The following KIAA0319 variants were observed in gnomAD, a reference collection of about 807,000 sequenced individuals.
KIAA0319 encodes the protein dyslexia-associated protein KIAA0319.
Under a neutral mutation model 108.4 loss-of-function variants are expected in KIAA0319, and 83 were observed. The ratio of observed to expected loss-of-function variants is 0.77; its 90% CI spans 0.64 to 0.92. KIAA0319 has a LOEUF of 0.92. Among genes scored for constraint, KIAA0319 ranks in the 40% least tolerant of loss-of-function variants. The pLI is 0.00. For synonymous variants in KIAA0319, 484 were observed against 510.4 expected, an observed-to-expected ratio of 0.95 and a Z score of 0.70; for missense variants, 1,195 against 1,322.4, an observed-to-expected ratio of 0.90 and a Z score of 1.49.
chr6:24,580,768 CA>C (rs1441087367), intron 7 of KIAA0319, among the ~76,000 whole-genome samples, 157 bp downstream of exon 7: 2 of 151,996 alleles, frequency 1.3e-5, no homozygotes, highest in African/African-American at 4.8e-5. Flanking sequence ...AAAAAAAAAC[CA>C]AAAATATAAT....
intron 4 of KIAA0319, among the ~76,000 whole-genome samples, chr6:24,585,325 C>G (rs1327574059): frequency 6.6e-6 from 1 of 151,168 alleles, no homozygotes; most frequent in African/African-American, 2.4e-5. Flanking sequence ...AAACGAGATA[C>G]CTACAAAGAT....
chr6:24,565,480 C>T lies in KIAA0319; in HGVS notation c.2292+1117G>A, dbSNP rs144420029. ...TAAAAATGGATTAGTTAAGGCTGGG[C>T]GCGGTGGCTCACGCCTGTAATCCCA... On this transcript the variant is annotated intron_variant, in intron 14 of 20. Coordinates refer to ENST00000378214, the MANE Select transcript of KIAA0319 (RefSeq NM_014809.4). 9.9e-3 allele frequency among the ~76,000 whole-genome samples: 1,501 copies of T among 152,012 alleles called. 8 individuals carry two copies. Among genetic ancestry groups the T allele is most frequent in the African/African-American group, 0.017 (707 of 41,390 alleles).
At chr6:24,629,414 C>A (rs9393569) in intron 1 of KIAA0319, among the ~76,000 whole-genome samples, 105,360 of 149,018 alleles carry the variant, frequency 0.71, 37,961 homozygotes, top group East Asian at 0.87. Context: ...ACTTGGGAGG[C>A]TGAGGCAGGA....
Position 24,547,224 on chromosome 6 carries a change from A to G in KIAA0319, c.3160T>C (p.Ser1054Pro). 6.2e-7 allele frequency: 1 copy of G among 1,614,200 alleles called. No homozygotes were observed. Among genetic ancestry groups the G allele is most frequent in the Middle Eastern group, 1.6e-4 (1 of 6,062 alleles). Residue 1054 changes from serine (S) to proline (P), a missense_variant, in exon 21 of 21, where the codon TCC becomes CCC. Coordinates refer to ENST00000378214, the MANE Select transcript of KIAA0319 (RefSeq NM_014809.4). ...CCATTTCTGATGGAACCATTCATGG[A>G]AACCTTTGGATTCCCTCTCTCCATC... ...EKMERGNPKV[S>P]MNGSIRNGAS...
At position 24,564,241 on chromosome 6, in the gene KIAA0319, C is replaced by T. The variant is rs1763541327; in HGVS notation, c.2392G>A (p.Ala798Thr). 1 of 1,614,042 alleles carries T rather than the reference C, an allele frequency of 6.2e-7. No individual in the cohort carries two copies. Among genetic ancestry groups the T allele is most frequent in the East Asian group, 2.2e-5 (1 of 44,880 alleles). Residue 798 changes from alanine to threonine, a missense_variant, in exon 15 of 21, where the codon GCC becomes ACC. By Grantham distance (58) the Ala-to-Thr change is moderately conservative. Coordinates refer to ENST00000378214, the MANE Select transcript of KIAA0319 (RefSeq NM_014809.4). The stretch of plus-strand genomic sequence containing the variant: ...ACAGTGGCAGTGTCTGTGTCCGAGG[C>T]CCCCTGACTGTCGGTGACTCGCAAG... ...FHLRVTDSQG[A>T]SDTDTATVEV...
At chr6:24,558,387 A>AGATAGATG (rs1199265764) in intron 17 of KIAA0319, among the ~76,000 whole-genome samples, 1 of 152,138 alleles carries the variant, frequency 6.6e-6, no homozygotes. Context: ...ATAGATAGAT[A>AGATAGATG]GATAGATAGA....
chr6:24,614,928 G>A (rs537470248), intron 1 of KIAA0319, among the ~76,000 whole-genome samples: 16 of 152,200 alleles, frequency 1.1e-4, no homozygotes, highest in Admixed American at 2.0e-4. Flanking sequence ...GTAAGCCACA[G>A]GGCAGGGGCT....
rs541185717 is a variant in KIAA0319, at chr6:24,546,819, CT to C, written c.*345del. 3.4e-3 allele frequency: 673 copies of C among 199,074 alleles called. 5 individuals carry two copies. Among genetic ancestry groups the C allele is most frequent in the Non-Finnish European group, 4.5e-3 (435 of 96,000 alleles). The allele number at this position is 199,074 out of a possible 1,614,324, so 12.3% of individuals were successfully genotyped here. On this transcript the variant is annotated 3_prime_UTR_variant, in exon 21 of 21. Transcript: ENST00000378214. ...ACAGCAGCTAAGACAGAAATCATCC[CT>C]TTTTAAAACCTTGTTTCATTCACCT...
chr6:24,554,482 G>A (rs1762012449), intron 19 of KIAA0319, 59 bp downstream of exon 19: 1 of 1,197,266 alleles, frequency 8.4e-7, no homozygotes, highest in Admixed American at 1.8e-5. Flanking sequence ...CAATTCCTAA[G>A]CTGTCAAAAC....
chr6:24,568,690 C>G (rs1764239514), intron 13 of KIAA0319, 91 bp downstream of exon 13: 1 of 1,324,548 alleles, frequency 7.5e-7, no homozygotes, highest in Non-Finnish European at 1.0e-6. Context: ...TAAGCAAACA[C>G]CAACATCTCT....
At chr6:24,642,656 G>A (rs1318111277) in intron 1 of KIAA0319, among the ~76,000 whole-genome samples, 4 of 151,902 alleles carry the variant, frequency 2.6e-5, no homozygotes, top group African/African-American at 9.7e-5. Context: ...TTTTAGGCCT[G>A]AATTATCCTC....
In KIAA0319 at chr6:24,583,622, C is replaced by T. The variant is rs541625855; in HGVS notation, c.1075G>A (p.Ala359Thr). Residue 359 changes from alanine (A) to threonine (T), a missense_variant, in exon 5 of 21, where the codon GCG becomes ACG. Physicochemically the swap from Ala to Thr is moderately conservative, Grantham distance 58. Coordinates refer to ENST00000378214, the MANE Select transcript of KIAA0319 (RefSeq NM_014809.4). ...DNEVELKAFV[A>T]PAPPVETTYN... ...CTCTCACCTACAGGTGGCGCTGGCGCAACAAAGGCCTTCAGTTCAACTTCA... is the reference window on the plus strand; with the variant it reads ...CTCTCACCTACAGGTGGCGCTGGCGTAACAAAGGCCTTCAGTTCAACTTCA... The T allele has an allele frequency of 2.0e-5, 32 of 1,613,204 alleles. No homozygotes were observed. Among genetic ancestry groups the T allele is most frequent in the Non-Finnish European group, 2.6e-5 (31 of 1,179,444 alleles).
intron 8 of KIAA0319, 34 bp downstream of exon 8, chr6:24,579,824 A>G (rs1277726575): frequency 6.5e-7 from 1 of 1,540,782 alleles, no homozygotes; most frequent in African/African-American, 1.4e-5. Flanking sequence ...CGTAGAGAAA[A>G]AAAGAAATCC....
chr6:24,576,220 T>C, intron 10 of KIAA0319, 148 bp downstream of exon 10: 1 of 671,864 alleles, frequency 1.5e-6, no homozygotes, highest in South Asian at 1.9e-5. Context: ...ATTTGTGAGC[T>C]TAGGTCCTTT....
chr6:24,612,961 A>G (rs1477656950), intron 1 of KIAA0319, among the ~76,000 whole-genome samples: 6 of 152,042 alleles, frequency 3.9e-5, no homozygotes, highest in African/African-American at 7.2e-5. Flanking sequence ...ACCACGCCCG[A>G]CTAATTTTTT....
chr6:24,586,105 A>AC (rs1767448297), intron 4 of KIAA0319, among the ~76,000 whole-genome samples: 1 of 152,116 alleles, frequency 6.6e-6, no homozygotes, highest in Admixed American at 6.6e-5. Context: ...ACAAAAAAAA[A>AC]CAAGCTGTAC....
intron 4 of KIAA0319, among the ~76,000 whole-genome samples, chr6:24,586,257 T>C (rs892574919): frequency 6.6e-6 from 1 of 152,232 alleles, no homozygotes; most frequent in African/African-American, 2.4e-5. Flanking sequence ...GAAACTAGAA[T>C]ATGCCATTGC....
rs1424765249 is a variant in KIAA0319 at position 24,602,627 on chromosome 6, C to T, written c.-105-1419G>A. 4.6e-5 allele frequency among the ~76,000 whole-genome samples: 7 copies of T among 152,166 alleles called. No homozygotes were observed. The East Asian group carries it at 1.2e-3, about 25-fold the overall frequency. ...CATCCTGGCTAACACGGTGAAACCC[C>T]GTCTCTACTAAAAATACAAAAAAAT... On this transcript the variant is annotated intron_variant, in intron 1 of 20. Coordinates refer to ENST00000378214, the MANE Select transcript of KIAA0319 (RefSeq NM_014809.4).
At chr6:24,640,360 A>G (rs1349690764) in intron 1 of KIAA0319, among the ~76,000 whole-genome samples, 1 of 152,160 alleles carries the variant, frequency 6.6e-6, no homozygotes, top group Non-Finnish European at 1.5e-5. Flanking sequence ...GAAATTAGCC[A>G]TTTGTTGAAA....
Sources: allele counts gnomAD v4.1 joint callset (sites outside exome capture counted in the v4.1 genomes callset), GRCh38; gene constraint gnomAD v4.1.1; transcripts MANE v1.5; gene names NCBI Gene and HGNC (gene_info 2026-07-23, HGNC 2026-07-21).